FANCB: variants seen among roughly 807,000 people sequenced by gnomAD.
The protein encoded by FANCB is FA complementation group B.
A neutral mutation model predicts 38.9 loss-of-function variants in FANCB; 5 were observed. The ratio of observed to expected loss-of-function variants is 0.13; its 90% CI spans 0.07 to 0.27. The LOEUF is 0.27. Among genes scored for constraint, FANCB ranks in the 10% least tolerant of loss-of-function variants. The probability of loss-of-function intolerance (pLI) is 1.00; values close to 1 mark genes in which losing one functional copy is unlikely to be tolerated. For synonymous variants in FANCB, 236 were observed against 215.4 expected (o/e 1.10, Z -0.84); for missense variants, 573 against 602.7 (o/e 0.95, Z 0.52).
At chrX:14,725,805 T>G in the FANCB span, among the ~76,000 whole-genome samples, 1 of 112,109 alleles carries the variant, frequency 8.9e-6, no homozygotes, top group Non-Finnish European at 1.9e-5. Context: ...AATTAGATAA[T>G]AAATTTCAAG....
chrX:14,745,441 C>T, the FANCB span, among the ~76,000 whole-genome samples: 1 of 111,157 alleles, frequency 9.0e-6, no homozygotes, highest in African/African-American at 3.3e-5. Flanking sequence ...CGACCATTTG[C>T]TCTGACTTGG....
the FANCB span, among the ~76,000 whole-genome samples, chrX:14,758,757 T>C: frequency 3.6e-5 from 4 of 111,823 alleles, no homozygotes; most frequent in Admixed American, 9.5e-5. Context: ...CTCTCTGACA[T>C]AGTCTACCCA....
At chrX:14,865,731 A>G (rs752396089) in intron 2 of FANCB, among the ~76,000 whole-genome samples, 151 bp from the exon 3 acceptor site, 1 of 111,326 alleles carries the variant, frequency 9.0e-6, no homozygotes, top group Non-Finnish European at 1.9e-5. Flanking sequence ...TCATACTTAT[A>G]AAAAAAATTC....
At chrX:14,747,150 T>A in the FANCB span, among the ~76,000 whole-genome samples, 1 of 112,289 alleles carries the variant, frequency 8.9e-6, no homozygotes, top group Non-Finnish European at 1.9e-5. Flanking sequence ...CAAAATGGTA[T>A]GTTGTGCTCT....
the FANCB span, among the ~76,000 whole-genome samples, chrX:14,767,053 G>A: frequency 1.8e-5 from 2 of 111,841 alleles, no homozygotes; most frequent in African/African-American, 6.5e-5. Context: ...CATACCCCAC[G>A]GTGTATATAT....
At position 14,846,203 on chromosome X, in the gene FANCB, A is replaced by T. The variant is rs748801419; in HGVS notation, c.1497-917T>A. On this transcript the variant is annotated intron_variant, in intron 7 of 9. Coordinates refer to ENST00000650831, the MANE Select transcript of FANCB (RefSeq NM_001018113.3). Reference sequence around the variant, plus strand: ...CAGAAAGAAGATACATCATGATGTTAAGTAAAAACCTTGAAGTTTTTACAT... The same window carrying T: ...CAGAAAGAAGATACATCATGATGTTTAGTAAAAACCTTGAAGTTTTTACAT... 7.0e-4 allele frequency among the ~76,000 whole-genome samples: 78 copies of T among 111,768 alleles called. 1 individual carries two copies. The highest frequency in any genetic ancestry group is 2.4e-3 in the African/African-American group (75 of 30,823).
At chrX:14,824,654 A>G in the FANCB span, among the ~76,000 whole-genome samples, 54 of 112,174 alleles carry the variant, frequency 4.8e-4, no homozygotes, top group African/African-American at 1.6e-3. Flanking sequence ...CACAAAACAC[A>G]TATTTGGCTT....
At chrX:14,856,611 A>T (rs780704088) in intron 5 of FANCB, among the ~76,000 whole-genome samples, 1 of 112,024 alleles carries the variant, frequency 8.9e-6, no homozygotes, top group East Asian at 2.8e-4. Flanking sequence ...AATAGTTGCA[A>T]AATAATTTTA....
chrX:14,767,330 T>G, the FANCB span, among the ~76,000 whole-genome samples: 3 of 112,018 alleles, frequency 2.7e-5, no homozygotes, highest in Non-Finnish European at 5.6e-5. Flanking sequence ...TTCCTTTCTC[T>G]CCACAACCTT....
the FANCB span, among the ~76,000 whole-genome samples, chrX:14,707,757 G>GGT: frequency 0.45 from 48,033 of 105,981 alleles, 8,825 homozygotes; most frequent in Non-Finnish European, 0.56. Context: ...CAGCAAAAAA[G>GGT]GTGTGTGTGT....
At chrX:14,691,271 CTGTGTGTGTGTGTGTGTGTGTG>C in the FANCB span, among the ~76,000 whole-genome samples, 62 of 85,275 alleles carry the variant, frequency 7.3e-4, no homozygotes, top group East Asian at 3.2e-3. Flanking sequence ...TAAATATTGA[CTGTGTGTGTGTGTGTGTGTGTG>C]TGTGTGTGTG....
chrX:14,820,069 A>G, the FANCB span, among the ~76,000 whole-genome samples: 9 of 111,231 alleles, frequency 8.1e-5, no homozygotes, highest in Non-Finnish European at 1.7e-4. Context: ...CTCCAGCCTT[A>G]CATTTCACCA....
At chrX:14,737,645 A>G in the FANCB span, among the ~76,000 whole-genome samples, 4 of 112,206 alleles carry the variant, frequency 3.6e-5, no homozygotes, top group African/African-American at 1.3e-4. Flanking sequence ...AGCCATTCGC[A>G]TGGTGTCTAA....
chrX:14,707,532 T>C, the FANCB span, among the ~76,000 whole-genome samples: 2 of 109,448 alleles, frequency 1.8e-5, no homozygotes, highest in South Asian at 4.1e-4. Flanking sequence ...GTAGTGAGCT[T>C]AGAACCTGAT....
the FANCB span, among the ~76,000 whole-genome samples, chrX:14,788,467 T>C: frequency 2.7e-5 from 3 of 111,145 alleles, no homozygotes; most frequent in Admixed American, 9.6e-5. Flanking sequence ...TGAAGAACCA[T>C]TGCTGTCCTG....
At chrX:14,835,176 T>C (rs909034988), downstream of FANCB, 2 of 528,989 alleles carry the variant, frequency 3.8e-6, no homozygotes, top group African/African-American at 4.5e-5. Context: ...CACCAGTCCC[T>C]AAACAGACCG....
At chrX:14,794,151 C>G in the FANCB span, among the ~76,000 whole-genome samples, 1 of 111,316 alleles carries the variant, frequency 9.0e-6, no homozygotes, top group Non-Finnish European at 1.9e-5. Context: ...GTTGAAGAGT[C>G]AAAGACAGCC....
At chrX:14,745,628 G>A in the FANCB span, among the ~76,000 whole-genome samples, 1 of 108,126 alleles carries the variant, frequency 9.2e-6, no homozygotes, top group African/African-American at 3.4e-5. Flanking sequence ...TTTACTGGGA[G>A]GCTCTGGCTA....
the FANCB span, among the ~76,000 whole-genome samples, chrX:14,750,887 TAAA>T: frequency 1.1e-5 from 1 of 94,464 alleles, no homozygotes; most frequent in Non-Finnish European, 2.2e-5. Context: ...AGACATTATT[TAAA>T]AAAAAAAAAA....
Sources: gnomAD v4.1 joint callset for allele counts (sites outside exome capture counted in the v4.1 genomes callset) on GRCh38, gnomAD v4.1.1 for gene constraint, MANE v1.5 for transcripts, NCBI Gene and HGNC (gene_info 2026-07-23, HGNC 2026-07-21) for gene names.